The following TRIM5 variants were observed in gnomAD, a reference collection of about 807,000 sequenced individuals.
The protein encoded by TRIM5 is tripartite motif-containing protein 5.
A neutral mutation model predicts 35.6 loss-of-function variants in TRIM5; 31 were observed. That is an observed-to-expected ratio of 0.87 (90% confidence interval 0.65 to 1.18). TRIM5 has a LOEUF of 1.18. Ranked by LOEUF, TRIM5 falls within the 50% of genes most tolerant of loss-of-function variation. The pLI is 0.00. For synonymous variants in TRIM5, 243 were observed against 215.6 expected (o/e 1.13, Z -1.11); for missense variants, 609 against 591.6 (o/e 1.03, Z -0.31).
intron 4 of TRIM5, among the ~76,000 whole-genome samples, chr11:5,669,591 T>G (rs561180356): frequency 6.6e-6 from 1 of 152,354 alleles, no homozygotes; most frequent in East Asian, 1.9e-4. Flanking sequence ...TACTTTTATG[T>G]TGTATGTAAC....
At chr11:5,659,308 T>C (rs758740772), downstream of TRIM5, among the ~76,000 whole-genome samples, 1 of 152,142 alleles carries the variant, frequency 6.6e-6, no homozygotes, top group Non-Finnish European at 1.5e-5. Flanking sequence ...CCATTCCCCC[T>C]GTCGCATGCC....
At chr11:5,633,203 G>A in the TRIM5 span, among the ~76,000 whole-genome samples, 328 of 148,466 alleles carry the variant, frequency 2.2e-3, no homozygotes, top group African/African-American at 7.8e-3. Context: ...GGGTGCAGGC[G>A]GACTGAGTCT....
the TRIM5 span, among the ~76,000 whole-genome samples, chr11:5,648,956 TGA>T: frequency 1.3e-5 from 2 of 152,206 alleles, no homozygotes; most frequent in Admixed American, 6.5e-5. Flanking sequence ...ATGGCTTTGC[TGA>T]GAGTATAAGC....
At chr11:5,650,872 T>G in the TRIM5 span, among the ~76,000 whole-genome samples, 1 of 152,222 alleles carries the variant, frequency 6.6e-6, no homozygotes, top group African/African-American at 2.4e-5. Context: ...AGATAGCACC[T>G]ACAGGGTCCT....
the TRIM5 span, chr11:5,655,522 T>A: frequency 2.0e-6 from 1 of 496,710 alleles, no homozygotes; most frequent in Non-Finnish European, 2.6e-6. Context: ...AGTTTATTAG[T>A]CTATGGGTAA....
intron 4 of TRIM5, among the ~76,000 whole-genome samples, chr11:5,676,064 G>GT (rs1443997330): frequency 2.9e-5 from 4 of 137,912 alleles, no homozygotes; most frequent in Non-Finnish European, 6.4e-5. Flanking sequence ...GTATTCCATG[G>GT]TGTATACGTG....
chr11:5,676,095 C>T (rs1415797633), intron 4 of TRIM5, among the ~76,000 whole-genome samples: 5 of 145,238 alleles, frequency 3.4e-5, no homozygotes, highest in Admixed American at 7.0e-5. Context: ...TTAATCCAGT[C>T]TATCATTGTT....
the TRIM5 span, chr11:5,642,551 T>C: frequency 6.2e-7 from 1 of 1,603,734 alleles, no homozygotes; most frequent in South Asian, 1.1e-5. Flanking sequence ...ATTGTTGTGG[T>C]GTCAGGTAAT....
At chr11:5,591,370 C>T in the TRIM5 span, among the ~76,000 whole-genome samples, 6 of 152,114 alleles carry the variant, frequency 3.9e-5, no homozygotes, top group African/African-American at 1.4e-4. Flanking sequence ...AATGGTTAGC[C>T]GGGCGTGGTG....
chr11:5,667,546 A>T (rs1042424871), intron 5 of TRIM5, 143 bp downstream of exon 5: 1 of 912,100 alleles, frequency 1.1e-6, no homozygotes, highest in African/African-American at 1.7e-5. Context: ...ATGCTGATTT[A>T]TGACCAGAAA....
At chr11:5,645,918 T>TATATATATATATATATATATATAG in the TRIM5 span, 2 of 156,654 alleles carry the variant, frequency 1.3e-5, no homozygotes, top group Admixed American at 7.3e-5. Flanking sequence ...TATATATAGA[T>TATATATATATATATATATATATAG]ATATATATAG....
chr11:5,603,818 C>G, the TRIM5 span: 5 of 1,510,764 alleles, frequency 3.3e-6, no homozygotes, highest in Non-Finnish European at 4.4e-6. Flanking sequence ...GATCTAATCT[C>G]TTTGTAGTCT....
chr11:5,639,782 A>G, the TRIM5 span, among the ~76,000 whole-genome samples: 625 of 151,280 alleles, frequency 4.1e-3, 6 homozygotes, highest in African/African-American at 0.015. Context: ...TGTCATCTGT[A>G]AAAAGAGAGA....
the TRIM5 span, chr11:5,611,525 C>T: frequency 1.7e-6 from 1 of 578,928 alleles, no homozygotes; most frequent in Non-Finnish European, 3.0e-6. Context: ...GCAATCTCGG[C>T]TCACTGCAAC....
chr11:5,675,105 T>C (rs930997272), intron 4 of TRIM5, among the ~76,000 whole-genome samples: 2 of 151,944 alleles, frequency 1.3e-5, no homozygotes, highest in Non-Finnish European at 2.9e-5. Flanking sequence ...CTTGGCTCAC[T>C]GCAAGCTCCG....
the TRIM5 span, among the ~76,000 whole-genome samples, chr11:5,628,263 T>C: frequency 6.6e-6 from 1 of 152,240 alleles, no homozygotes; most frequent in Non-Finnish European, 1.5e-5. Context: ...CCCCCCGGTA[T>C]TTCTAACTAT....
the TRIM5 span, among the ~76,000 whole-genome samples, chr11:5,616,462 A>C: frequency 7.8e-3 from 1,139 of 145,244 alleles, 111 homozygotes; most frequent in African/African-American, 0.026. Context: ...GCTACTTTAT[A>C]TTTTGTCAGA....
the TRIM5 span, chr11:5,643,545 G>A: frequency 6.2e-7 from 1 of 1,614,126 alleles, no homozygotes; most frequent in Non-Finnish European, 8.5e-7. Context: ...CCGTGTTGGG[G>A]TTTTCCTCGA....
chr11:5,594,445 G>T, the TRIM5 span, among the ~76,000 whole-genome samples: 1 of 152,060 alleles, frequency 6.6e-6, no homozygotes, highest in South Asian at 2.1e-4. Context: ...AAGTAATTGG[G>T]ACTACAGGCA....
Sources: allele counts gnomAD v4.1 joint callset (sites outside exome capture counted in the v4.1 genomes callset), GRCh38; gene constraint gnomAD v4.1.1; transcripts MANE v1.5; gene names NCBI Gene and HGNC (gene_info 2026-07-23, HGNC 2026-07-21).